Variants in LSM1 observed in about 807,000 individuals in gnomAD.
The protein encoded by LSM1 is U6 snRNA-associated Sm-like protein LSm1.
LSM1 carries 13 observed loss-of-function variants against 18.0 expected under a neutral mutation model. The ratio of observed to expected loss-of-function variants is 0.72; its 90% confidence interval spans 0.47 to 1.15. LSM1 has a LOEUF of 1.15. Among genes scored for constraint, LSM1 ranks in the 50% most tolerant of loss-of-function variants. The pLI is 0.00. For missense variants in LSM1, 152 were observed against 157.7 expected, an observed-to-expected ratio of 0.96 and a Z score of 0.19; for synonymous variants, 46 against 56.0, an observed-to-expected ratio of 0.82 and a Z score of 0.80.
chr8:38,169,897 T>G lies in LSM1; in HGVS notation c.136A>C (p.Thr46Pro). 1 of 1,610,750 alleles carries G rather than the reference T, an allele frequency of 6.2e-7. No homozygotes were observed. Among genetic ancestry groups the G allele is most frequent in the Non-Finnish European group, 8.5e-7 (1 of 1,177,172 alleles). ...TTGCCCACATGAATACGCTCCACAG[T>G]CTGATGTAGCACTAAGTTTGCTGTA... ...DQFANLVLHQTVERIHVGKKY... is the reference protein window; with the variant it reads ...DQFANLVLHQPVERIHVGKKY... Residue 46 changes from threonine (T) to proline (P), a missense_variant, in exon 3 of 4, where the codon ACT becomes CCT. Transcript: ENST00000311351.
At chr8:38,167,446 G>C (rs1021841755) in intron 3 of LSM1, among the ~76,000 whole-genome samples, 3 of 152,156 alleles carry the variant, frequency 2.0e-5, no homozygotes, top group Non-Finnish European at 4.4e-5. Context: ...GAGCTCAGGT[G>C]AATCTCCCAC....
At chr8:38,170,744 A>G (rs988295112) in intron 2 of LSM1, among the ~76,000 whole-genome samples, 51 of 152,246 alleles carry the variant, frequency 3.3e-4, no homozygotes, top group Non-Finnish European at 1.8e-4. Flanking sequence ...ACAGATAACT[A>G]TATTTGTAAT....
intron 3 of LSM1, among the ~76,000 whole-genome samples, chr8:38,167,432 C>T (rs779475924): frequency 7.9e-5 from 12 of 152,170 alleles, no homozygotes; most frequent in Non-Finnish European, 1.2e-4. Context: ...GCCTCGACCT[C>T]CCTGAGCTCA....
At chr8:38,173,011 G>T (rs1803056520) in intron 1 of LSM1, among the ~76,000 whole-genome samples, 1 of 152,178 alleles carries the variant, frequency 6.6e-6, no homozygotes, top group African/African-American at 2.4e-5. Flanking sequence ...TAATAAACTA[G>T]CAAGGCAGTA....
chr8:38,176,653 G>A (rs531117886), upstream of LSM1: 2 of 577,764 alleles, frequency 3.5e-6, no homozygotes, highest in Admixed American at 3.6e-5. Context: ...GGAACACGGT[G>A]TCTTCCTTCG....
At chr8:38,173,780 A>G (rs1803069367) in intron 1 of LSM1, among the ~76,000 whole-genome samples, 1 of 152,258 alleles carries the variant, frequency 6.6e-6, no homozygotes, top group Non-Finnish European at 1.5e-5. Flanking sequence ...TAAGACTGGA[A>G]AACCAAAGAC....
intron 2 of LSM1, among the ~76,000 whole-genome samples, chr8:38,170,531 A>G (rs1357824559): frequency 1.3e-5 from 2 of 152,196 alleles, no homozygotes; most frequent in Non-Finnish European, 2.9e-5. Flanking sequence ...ATATAAATGA[A>G]TAAGGAACTT....
chr8:38,173,760 T>C lies in LSM1; in HGVS notation c.47-1727A>G, dbSNP rs529868831. Among the ~76,000 whole-genome samples, 98 of 152,296 alleles carry C rather than the reference T, an allele frequency of 6.4e-4. 2 individuals are homozygous for C. The South Asian group carries it at 9.3e-3, about 15-fold the overall frequency. On this transcript the variant is annotated intron_variant, in intron 1 of 3. Coordinates refer to ENST00000311351, the MANE Select transcript of LSM1 (RefSeq NM_014462.3). ...ACTTAATAGAAACACACGCAGATAG[T>C]TGGAAACAGTAAGACTGGAAAACCA...
At chr8:38,175,965 C>A (rs907915404) in intron 1 of LSM1, 18 of 308,990 alleles carry the variant, frequency 5.8e-5, no homozygotes, top group Non-Finnish European at 9.7e-5. Flanking sequence ...AGCCCCCCCC[C>A]TCCCCGGGCT....
intron 1 of LSM1, among the ~76,000 whole-genome samples, chr8:38,175,556 C>A (rs1429801705): frequency 1.3e-5 from 2 of 151,944 alleles, no homozygotes; most frequent in African/African-American, 4.8e-5. Context: ...AAAGGAAAGC[C>A]AGAACAACTG....
At chr8:38,168,062 T>C (rs1258508986) in intron 3 of LSM1, among the ~76,000 whole-genome samples, 1 of 151,086 alleles carries the variant, frequency 6.6e-6, no homozygotes, top group Non-Finnish European at 1.5e-5. Flanking sequence ...CCTGGGTTCA[T>C]GCCATTCTCC....
upstream of LSM1, chr8:38,176,539 C>T (rs1178264736): frequency 3.5e-6 from 2 of 577,100 alleles, no homozygotes; most frequent in East Asian, 2.9e-5. Context: ...CAGGAAGAGG[C>T]GGGGCAGCCG....
chr8:38,170,201 C>T (rs139467150), intron 2 of LSM1, among the ~76,000 whole-genome samples: 151 of 152,250 alleles, frequency 9.9e-4, no homozygotes, highest in African/African-American at 3.4e-3. Context: ...CCACCACTCC[C>T]GGCTAATTCT....
chr8:38,169,171 T>A (rs1005457729), intron 3 of LSM1, among the ~76,000 whole-genome samples: 1 of 151,674 alleles, frequency 6.6e-6, no homozygotes. Flanking sequence ...TAAGATACTT[T>A]AAAAAAAAAT....
At chr8:38,176,674 C>T, upstream of LSM1, 1 of 638,890 alleles carries the variant, frequency 1.6e-6, no homozygotes, top group East Asian at 3.1e-5. Flanking sequence ...TCTCCGGGTT[C>T]CCGAGACCCC....
chr8:38,164,975 A>C (rs1585637190), intron 3 of LSM1, among the ~76,000 whole-genome samples: 1 of 152,298 alleles, frequency 6.6e-6, no homozygotes, highest in African/African-American at 2.4e-5. Context: ...TACGGCAACA[A>C]GTCTTCTAGG....
At chr8:38,163,961 A>C (rs1802884449) in intron 3 of LSM1, 121 bp from the exon 4 acceptor site, 1 of 844,066 alleles carries the variant, frequency 1.2e-6, no homozygotes, top group African/African-American at 1.7e-5. Flanking sequence ...ACAGGAACTG[A>C]AATATCCTTC....
chr8:38,165,816 G>T (rs1258116450), intron 3 of LSM1, among the ~76,000 whole-genome samples: 7 of 152,028 alleles, frequency 4.6e-5, no homozygotes, highest in Non-Finnish European at 1.0e-4. Context: ...AGGAGTTTGA[G>T]GCTGCAGTGA....
At chr8:38,163,968 C>T in intron 3 of LSM1, 128 bp from the exon 4 acceptor site, 1 of 800,170 alleles carries the variant, frequency 1.2e-6, no homozygotes, top group Non-Finnish European at 2.0e-6. Flanking sequence ...CTGAAATATC[C>T]TTCTCCTAGG....
Sources: allele counts gnomAD v4.1 joint callset (sites outside exome capture counted in the v4.1 genomes callset), GRCh38; gene constraint gnomAD v4.1.1; transcripts MANE v1.5; gene names NCBI Gene and HGNC (gene_info 2026-07-23, HGNC 2026-07-21).